The following PCDH15 variants were observed in gnomAD, a reference collection of about 807,000 sequenced individuals.
PCDH15 encodes the protein protocadherin related 15.
Under a neutral mutation model 178.5 loss-of-function variants are expected in PCDH15, and 129 were observed. The ratio of observed to expected loss-of-function variants is 0.72; its 90% CI spans 0.63 to 0.84. The LOEUF is 0.84. Among genes scored for constraint, PCDH15 ranks in the 40% least tolerant of loss-of-function variants. The pLI is 0.00. For missense variants in PCDH15, 2,230 were observed against 2,099.9 expected (o/e 1.06, Z -1.21); for synonymous variants, 800 against 732.0 (o/e 1.09, Z -1.50).
chr10:55,626,173 A>G (rs1837524053), intron 2 of PCDH15, among the ~76,000 whole-genome samples: 1 of 150,050 alleles, frequency 6.7e-6, no homozygotes, highest in African/African-American at 2.5e-5. Flanking sequence ...AAATAAATAA[A>G]TAAATAAATA....
chr10:54,068,701 C>T (rs2094183157), intron 17 of PCDH15, among the ~76,000 whole-genome samples: 1 of 152,106 alleles, frequency 6.6e-6, no homozygotes, highest in Non-Finnish European at 1.5e-5. Flanking sequence ...AGAAGAAGAT[C>T]GAATAGCGAC....
chr10:55,205,162 A>G (rs2132163310), intron 1 of PCDH15, among the ~76,000 whole-genome samples: 1 of 152,226 alleles, frequency 6.6e-6, no homozygotes, highest in African/African-American at 2.4e-5. Flanking sequence ...TAAAAGAAAT[A>G]TTAAAATAAA....
At chr10:54,721,715 G>T (rs1941643658) in intron 1 of PCDH15, among the ~76,000 whole-genome samples, 1 of 151,688 alleles carries the variant, frequency 6.6e-6, no homozygotes, top group African/African-American at 2.4e-5. Context: ...TAACAAAGTT[G>T]AATCATCAAC....
At chr10:54,830,478 G>T (rs1033051587) in intron 3 of PCDH15, among the ~76,000 whole-genome samples, 1 of 151,526 alleles carries the variant, frequency 6.6e-6, no homozygotes, top group African/African-American at 2.4e-5. Context: ...GCAAACTATC[G>T]CAAGGACAAA....
chr10:55,526,960 C>G (rs548746768), intron 2 of PCDH15, among the ~76,000 whole-genome samples: 1 of 152,168 alleles, frequency 6.6e-6, no homozygotes, highest in Admixed American at 6.6e-5. Context: ...TGTCTATACA[C>G]TGCCTAGCTG....
chr10:54,528,123 G>A (rs1417116476), intron 2 of PCDH15, among the ~76,000 whole-genome samples: 1 of 151,858 alleles, frequency 6.6e-6, no homozygotes, highest in East Asian at 1.9e-4. Flanking sequence ...ACACCAGCAG[G>A]GACCACTGGA....
intron 1 of PCDH15, among the ~76,000 whole-genome samples, chr10:55,200,876 T>C (rs1487758940): frequency 1.3e-5 from 2 of 152,222 alleles, no homozygotes; most frequent in Middle Eastern, 3.4e-3. Context: ...GCCATGATTA[T>C]AAGTTTCCTG....
At chr10:55,418,815 T>C (rs571539531) in intron 2 of PCDH15, among the ~76,000 whole-genome samples, 131 of 151,906 alleles carry the variant, frequency 8.6e-4, no homozygotes, top group Middle Eastern at 6.8e-3. Context: ...TGTTGATAAA[T>C]TAAATAAGTA....
At chr10:55,269,486 A>G (rs1842384178) in intron 1 of PCDH15, among the ~76,000 whole-genome samples, 2 of 152,248 alleles carry the variant, frequency 1.3e-5, no homozygotes, top group South Asian at 4.1e-4. Context: ...ATACACCAAT[A>G]ATGTTCAGGC....
intron 1 of PCDH15, among the ~76,000 whole-genome samples, chr10:55,206,808 A>C (rs1484772103): frequency 6.6e-6 from 1 of 152,146 alleles, no homozygotes; most frequent in Non-Finnish European, 1.5e-5. Context: ...ATATGGAATC[A>C]AAGTTATTGC....
At chr10:54,274,709 C>T (rs1470464691) in intron 8 of PCDH15, among the ~76,000 whole-genome samples, 22 of 150,090 alleles carry the variant, frequency 1.5e-4, no homozygotes, top group South Asian at 6.3e-4. Flanking sequence ...CTGACGTGTT[C>T]GTATTATGCA....
intron 1 of PCDH15, among the ~76,000 whole-genome samples, chr10:54,692,844 A>G (rs1484457841): frequency 6.6e-6 from 1 of 152,212 alleles, no homozygotes; most frequent in Admixed American, 6.6e-5. Flanking sequence ...AAATGCAAAC[A>G]CAAAATAAAT....
intron 2 of PCDH15, among the ~76,000 whole-genome samples, chr10:54,593,349 T>C (rs1210708261): frequency 1.3e-5 from 2 of 152,176 alleles, no homozygotes; most frequent in Non-Finnish European, 2.9e-5. Context: ...TTAATTTTTA[T>C]TTTTGTATGT....
chr10:53,937,888 TC>T (rs1365956982), intron 25 of PCDH15, among the ~76,000 whole-genome samples: 1 of 152,092 alleles, frequency 6.6e-6, no homozygotes, highest in Non-Finnish European at 1.5e-5. Context: ...TGAAATGATG[TC>T]CAGGGATAGT....
chr10:55,183,091 T>C (rs1309199500), intron 1 of PCDH15, among the ~76,000 whole-genome samples: 1 of 151,958 alleles, frequency 6.6e-6, no homozygotes, highest in Non-Finnish European at 1.5e-5. Context: ...TATATATTTA[T>C]ATTATTGTAC....
intron 2 of PCDH15, among the ~76,000 whole-genome samples, chr10:55,403,734 G>A (rs1487253196): frequency 6.6e-6 from 1 of 151,838 alleles, no homozygotes; most frequent in Non-Finnish European, 1.5e-5. Flanking sequence ...GCTTTGTAGT[G>A]TATTTCAATG....
intron 1 of PCDH15, among the ~76,000 whole-genome samples, chr10:54,725,230 A>G: frequency 6.6e-6 from 1 of 151,268 alleles, no homozygotes; most frequent in Non-Finnish European, 1.5e-5. Flanking sequence ...AATATTACTA[A>G]TTTGTAAAAA....
At chr10:53,947,415 T>C (rs536460288) in intron 23 of PCDH15, among the ~76,000 whole-genome samples, 1 of 152,316 alleles carries the variant, frequency 6.6e-6, no homozygotes, top group African/African-American at 2.4e-5. Flanking sequence ...AATCTGGCTC[T>C]ATTGCTTTCT....
chr10:54,546,396 C>A (rs889376456), intron 2 of PCDH15, among the ~76,000 whole-genome samples: 2 of 151,880 alleles, frequency 1.3e-5, no homozygotes, highest in Non-Finnish European at 2.9e-5. Flanking sequence ...TATATAAAGT[C>A]TTTTTAATAT....
Sources: allele counts gnomAD v4.1 joint callset (sites outside exome capture counted in the v4.1 genomes callset), GRCh38; gene constraint gnomAD v4.1.1; transcripts MANE v1.5; gene names NCBI Gene and HGNC (gene_info 2026-07-23, HGNC 2026-07-21).